The following ASIC2 variants were observed in gnomAD, a reference collection of about 807,000 sequenced individuals.
The protein encoded by ASIC2 is acid-sensing ion channel 2.
A neutral mutation model predicts 57.3 loss-of-function variants in ASIC2; 25 were observed. The observed-to-expected ratio is 0.44, with a 90% CI of 0.32 to 0.61. The LOEUF (loss-of-function observed/expected upper bound fraction) is 0.61, where lower values mean the gene tolerates loss of function less well. Among genes scored for constraint, ASIC2 ranks in the 20% least tolerant of loss-of-function variants. The pLI, the probability that ASIC2 is intolerant of heterozygous loss-of-function variation, is 0.06. For synonymous variants in ASIC2, 319 were observed against 307.5 expected (o/e 1.04, Z -0.39); for missense variants, 641 against 738.1 (o/e 0.87, Z 1.52).
intron 1 of ASIC2, among the ~76,000 whole-genome samples, chr17:33,521,708 C>G (rs1269070110): frequency 6.6e-6 from 1 of 152,180 alleles, no homozygotes; most frequent in Admixed American, 6.5e-5. Context: ...AGGAATTGCT[C>G]AAGTCACGTA....
chr17:34,022,869 T>C (rs1241109556), intron 1 of ASIC2, among the ~76,000 whole-genome samples: 1 of 152,206 alleles, frequency 6.6e-6, no homozygotes, highest in Non-Finnish European at 1.5e-5. Context: ...TCCCCAGTGT[T>C]GGAGGAGGGT....
intron 1 of ASIC2, among the ~76,000 whole-genome samples, chr17:33,810,104 A>T (rs1367270610): frequency 6.6e-6 from 1 of 152,220 alleles, no homozygotes; most frequent in Non-Finnish European, 1.5e-5. Flanking sequence ...TTTGAAAAAA[A>T]ATCACTTGTA....
At chr17:33,706,105 C>T (rs1908852177) in intron 1 of ASIC2, among the ~76,000 whole-genome samples, 1 of 151,840 alleles carries the variant, frequency 6.6e-6, no homozygotes, top group South Asian at 2.1e-4. Flanking sequence ...ACACCCTTCT[C>T]TTCATCACAC....
intron 1 of ASIC2, among the ~76,000 whole-genome samples, chr17:34,133,167 A>C (rs1033294620): frequency 1.5e-4 from 23 of 152,244 alleles, no homozygotes; most frequent in Non-Finnish European, 3.2e-4. Flanking sequence ...GATGTATGAT[A>C]TGATATAAAT....
In ASIC2 at chr17:33,318,656, A is replaced by G. The variant is rs1022965394; in HGVS notation, c.556-206589T>C. Among the ~76,000 whole-genome samples the G allele has an allele frequency of 6.6e-5, 10 of 152,178 alleles. No homozygotes were observed. The East Asian group carries it at 1.9e-3, about 29-fold the overall frequency. ...TGCTTTTATTTTCCTTCTTTGCTCTAGTGAGAGTTCTCACCGTGAGGAAGG... is the reference window on the plus strand; with the variant it reads ...TGCTTTTATTTTCCTTCTTTGCTCTGGTGAGAGTTCTCACCGTGAGGAAGG... On this transcript the variant is annotated intron_variant, in intron 1 of 9. Transcript: ENST00000359872.
chr17:33,258,321 G>C (rs1337734203), intron 1 of ASIC2, among the ~76,000 whole-genome samples: 1 of 152,178 alleles, frequency 6.6e-6, no homozygotes, highest in Non-Finnish European at 1.5e-5. Context: ...ATTCTACTGA[G>C]GGCTGGGTGG....
intron 1 of ASIC2, among the ~76,000 whole-genome samples, chr17:33,869,075 A>G (rs1418906011): frequency 7.9e-5 from 12 of 152,158 alleles, no homozygotes; most frequent in Non-Finnish European, 1.5e-4. Context: ...AAAAGAGAAA[A>G]CAAAACAAAG....
intron 1 of ASIC2, among the ~76,000 whole-genome samples, chr17:34,028,263 G>A (rs544660802): frequency 2.6e-5 from 4 of 152,134 alleles, no homozygotes; most frequent in Admixed American, 2.0e-4. Flanking sequence ...CATGGAGGTC[G>A]GTGCTGGACC....
At position 33,989,503 on chromosome 17, in the gene ASIC2, G is replaced by A. The variant is rs529364928; in HGVS notation, c.555+166475C>T. 2.0e-5 allele frequency among the ~76,000 whole-genome samples: 3 copies of A among 150,252 alleles called. No homozygotes were observed. The East Asian group carries it at 5.8e-4, about 29-fold the overall frequency. ...GTTTCTTTGGTATCAGGCTAAGGAG[G>A]CAAACAGGAGTGGAGAGAATATACT... On this transcript the variant is annotated intron_variant, in intron 1 of 9. Transcript: ENST00000359872.
At chr17:33,465,163 TC>T (rs796368846) in intron 1 of ASIC2, among the ~76,000 whole-genome samples, 64 of 152,246 alleles carry the variant, frequency 4.2e-4, no homozygotes, top group African/African-American at 1.5e-3. Context: ...GCTTCTAGCT[TC>T]CCCTGGCTGT....
intron 1 of ASIC2, among the ~76,000 whole-genome samples, chr17:33,301,738 C>T (rs539609129): frequency 2.4e-4 from 37 of 152,254 alleles, no homozygotes; most frequent in Non-Finnish European, 3.7e-4. Flanking sequence ...CAGGGATGAG[C>T]ACAGCATGCT....
rs534110340 is a variant in ASIC2, at chr17:33,340,911, C to T, written c.556-228844G>A. Among the ~76,000 whole-genome samples, 11 of 152,274 alleles carry T rather than the reference C, an allele frequency of 7.2e-5. No individual in the cohort carries two copies. The East Asian group carries it at 2.1e-3, about 29-fold the overall frequency. ...CTCTCAGGGAATGACCCTGTACTTG[C>T]ATGAGCCCAAGAGTTATTGCCTCCT... is the stretch of plus-strand genomic sequence containing the variant. On this transcript the variant is annotated intron_variant, in intron 1 of 9. Transcript: ENST00000359872.
chr17:33,038,168 T>C (rs998806951), intron 3 of ASIC2, among the ~76,000 whole-genome samples: 1 of 152,188 alleles, frequency 6.6e-6, no homozygotes, highest in Non-Finnish European at 1.5e-5. Flanking sequence ...ATTAAATAAG[T>C]TCAGTGCCCA....
chr17:33,511,235 A>G (rs539189760), intron 1 of ASIC2, among the ~76,000 whole-genome samples: 1 of 151,844 alleles, frequency 6.6e-6, no homozygotes, highest in African/African-American at 2.4e-5. Flanking sequence ...CAGGATGAGG[A>G]CACACCAAAC....
chr17:33,093,374 C>A (rs1294002749), intron 2 of ASIC2, among the ~76,000 whole-genome samples: 1 of 149,424 alleles, frequency 6.7e-6, no homozygotes, highest in Non-Finnish European at 1.5e-5. Context: ...GTGTAGGTCT[C>A]TGGACAGTGA....
intron 1 of ASIC2, among the ~76,000 whole-genome samples, chr17:33,314,708 G>C (rs568844383): frequency 8.5e-5 from 13 of 152,132 alleles, no homozygotes; most frequent in Admixed American, 7.2e-4. Context: ...GGCAAGTCAG[G>C]GGCTCTGACA....
intron 1 of ASIC2, among the ~76,000 whole-genome samples, chr17:33,797,518 T>C (rs778531228): frequency 1.3e-5 from 2 of 152,238 alleles, no homozygotes; most frequent in South Asian, 2.1e-4. Flanking sequence ...GTCATTACTT[T>C]AGATTTCAGT....
intron 3 of ASIC2, among the ~76,000 whole-genome samples, chr17:33,054,668 C>T (rs1234925072): frequency 1.3e-5 from 2 of 152,142 alleles, no homozygotes; most frequent in Non-Finnish European, 2.9e-5. Flanking sequence ...GCGTCTCGGG[C>T]GTTCCAGCAC....
At chr17:34,108,434 C>T (rs1189285562) in intron 1 of ASIC2, among the ~76,000 whole-genome samples, 2 of 151,994 alleles carry the variant, frequency 1.3e-5, no homozygotes, top group African/African-American at 2.4e-5. Flanking sequence ...AGTTTAATTT[C>T]AAAATATTTA....
Sources: allele counts gnomAD v4.1 joint callset (sites outside exome capture counted in the v4.1 genomes callset), GRCh38; gene constraint gnomAD v4.1.1; transcripts MANE v1.5; gene names NCBI Gene and HGNC (gene_info 2026-07-23, HGNC 2026-07-21).